EPG5: variants seen among roughly 807,000 people sequenced by gnomAD.
EPG5 encodes ectopic P-granules 5 autophagy tethering factor, also known as ectopic P granules protein 5 homolog.
EPG5 carries 159 observed loss-of-function variants against 302.7 expected under a neutral mutation model. The ratio of observed to expected loss-of-function variants is 0.53; its 90% confidence interval spans 0.46 to 0.60. The LOEUF is 0.60. EPG5 is among the 20% of genes least tolerant of loss of function. EPG5 has a pLI of 0.00. For synonymous variants in EPG5, 1,158 were observed against 1,136.8 expected, an observed-to-expected ratio of 1.02 and a Z score of -0.37; for missense variants, 2,896 against 3,092.4, an observed-to-expected ratio of 0.94 and a Z score of 1.51.
the EPG5 span, chr18:45,837,892 G>A: frequency 1.3e-6 from 2 of 1,512,204 alleles, no homozygotes; most frequent in Non-Finnish European, 1.8e-6. Flanking sequence ...GGCTGCACGT[G>A]ACAGGCGAGG....
At chr18:45,877,831 A>G (rs1319867308) in intron 34 of EPG5, among the ~76,000 whole-genome samples, 1 of 152,182 alleles carries the variant, frequency 6.6e-6, no homozygotes, top group African/African-American at 2.4e-5. Context: ...AATTTTTATA[A>G]AACCCTGACA....
intron 3 of EPG5, among the ~76,000 whole-genome samples, chr18:45,951,841 G>A (rs553568344): frequency 6.6e-6 from 1 of 151,962 alleles, no homozygotes; most frequent in Non-Finnish European, 1.5e-5. Flanking sequence ...ATGGGGGAGG[G>A]GGAATTTTAC....
At chr18:45,870,066 T>A (rs765577020) in intron 36 of EPG5, among the ~76,000 whole-genome samples, 1 of 152,186 alleles carries the variant, frequency 6.6e-6, no homozygotes, top group South Asian at 2.1e-4. Flanking sequence ...TTTTTTTAAG[T>A]CATTTCAGGT....
chr18:45,913,140 T>C (rs2049948730), intron 21 of EPG5, among the ~76,000 whole-genome samples: 1 of 151,592 alleles, frequency 6.6e-6, no homozygotes, highest in Non-Finnish European at 1.5e-5. Flanking sequence ...TATGTGACTG[T>C]CAAACTTTAT....
Position 45,890,012 on chromosome 18 carries a change from A to T in EPG5, c.4810-72T>A, listed in dbSNP as rs2049306712. 2.3e-6 allele frequency: 3 copies of T among 1,322,682 alleles called. No individual in the cohort carries two copies. In the East Asian group the frequency reaches 7.3e-5, roughly 32 times the overall value. The allele number at this position is 1,322,682 out of a possible 1,614,324, so 81.9% of individuals were successfully genotyped here. A position where few individuals can be genotyped will look rare whatever the true frequency, so the allele number is the denominator to read the frequency against. On this transcript the variant is annotated intron_variant, in intron 27 of 43. Transcript: ENST00000282041. The stretch of plus-strand genomic sequence containing the variant: ...GGTTTCCCATGAAGACTCAAACTGA[A>T]ATAAAATTATTGTCTTATAAAAATA...
At chr18:45,915,232 C>T (rs1568150424) in intron 20 of EPG5, among the ~76,000 whole-genome samples, 1 of 151,090 alleles carries the variant, frequency 6.6e-6, no homozygotes, top group Admixed American at 6.6e-5. Context: ...GAGCTGAGAT[C>T]GCGCCATTGC....
In EPG5 at chr18:45,954,768, C is replaced by A. The variant is rs367865576; in HGVS notation, c.634G>T (p.Val212Leu). The change falls in exon 2 of 44, where the codon GTG becomes TTG. Residue 212 changes from valine to leucine, a missense_variant. Coordinates refer to ENST00000282041, the MANE Select transcript of EPG5 (RefSeq NM_020964.3). ...PAKHGFQTPR[V>L]KKLYPQLPAE... Reference sequence around the variant, plus strand: ...GGCAACTGGGGATACAGTTTCTTCACTCTAGGTGTCTGAAAACCATGTTTG... The same window carrying A: ...GGCAACTGGGGATACAGTTTCTTCAATCTAGGTGTCTGAAAACCATGTTTG... 6 of 1,613,880 alleles carry A rather than the reference C, an allele frequency of 3.7e-6. No individual in the cohort carries two copies. Among genetic ancestry groups the A allele is most frequent in the Non-Finnish European group, 4.2e-6 (5 of 1,179,922 alleles).
Position 45,943,853 on chromosome 18 carries a change from A to G in EPG5, c.1792+152T>C, listed in dbSNP as rs548162529. On this transcript the variant is annotated intron_variant, in intron 8 of 43. Coordinates refer to ENST00000282041, the MANE Select transcript of EPG5 (RefSeq NM_020964.3). ...GGAGAATGGCGTGAACCTGGGAGGC[A>G]GAGCTTGCAGTGAGCCGAGATCGCG... 1.9e-3 allele frequency: 1,050 copies of G among 544,554 alleles called. 7 individuals are homozygous for G. The highest frequency in any genetic ancestry group is 0.017 in the African/African-American group (909 of 52,560). 33.7% of individuals were successfully genotyped at this position (544,554 alleles called of 1,614,324 possible).
chr18:45,865,765 C>CAAAAA lies in EPG5; in HGVS notation c.6622-11_6622-7dup, dbSNP rs11333207. 3.4e-5 allele frequency: 48 copies of CAAAAA among 1,411,772 alleles called. No homozygotes were observed. The African/African-American group carries it at 6.9e-4, about 20-fold the overall frequency. 87.5% of individuals were successfully genotyped at this position (1,411,772 alleles called of 1,614,324 possible). A position where few individuals can be genotyped will look rare whatever the true frequency, so the allele number is the denominator to read the frequency against. Reference sequence around the variant, plus strand: ...TGGCATTTTGGAACTGCATCCTGACCAAAAAAAAAAAAAAAAATCATTCAA... The same window carrying CAAAAA: ...TGGCATTTTGGAACTGCATCCTGACCAAAAAAAAAAAAAAAAAAAAAATCATTCAA... On this transcript the variant is annotated splice_region_variant and splice_polypyrimidine_tract_variant and intron_variant, in intron 38 of 43. Coordinates refer to ENST00000282041, the MANE Select transcript of EPG5 (RefSeq NM_020964.3).
the EPG5 span, among the ~76,000 whole-genome samples, chr18:45,810,650 G>T: frequency 0.018 from 2,750 of 152,148 alleles, 31 homozygotes; most frequent in Middle Eastern, 0.041. Flanking sequence ...GCATTGTGGC[G>T]CACACCTGTA....
chr18:45,834,456 C>T, the EPG5 span, among the ~76,000 whole-genome samples: 1 of 152,164 alleles, frequency 6.6e-6, no homozygotes, highest in African/African-American at 2.4e-5. Context: ...GGAGGCCAGC[C>T]CTAGGCTTGG....
chr18:45,893,566 A>AAT (rs397949619), intron 27 of EPG5, among the ~76,000 whole-genome samples: 2 of 150,480 alleles, frequency 1.3e-5, no homozygotes, highest in African/African-American at 2.4e-5. Flanking sequence ...AAAAAAAAAA[A>AAT]GTTAAGTTGG....
chr18:45,897,143 G>A (rs560327268), intron 27 of EPG5, among the ~76,000 whole-genome samples: 126 of 152,294 alleles, frequency 8.3e-4, no homozygotes, highest in Non-Finnish European at 1.4e-3. Context: ...CAGCTCCCTG[G>A]CCTGCCTGGT....
intron 35 of EPG5, among the ~76,000 whole-genome samples, chr18:45,875,317 T>A (rs1448858724): frequency 6.6e-6 from 1 of 152,074 alleles, no homozygotes; most frequent in Non-Finnish European, 1.5e-5. Context: ...AACAGCAGCA[T>A]AAGACAACCC....
At chr18:45,866,341 G>A (rs1311613416) in intron 38 of EPG5, among the ~76,000 whole-genome samples, 4 of 151,972 alleles carry the variant, frequency 2.6e-5, no homozygotes, top group East Asian at 1.9e-4. Flanking sequence ...GGCTGGTCTC[G>A]AACTCCTGAC....
In EPG5 at chr18:45,854,935, T is replaced by C. The variant is rs142868176; in HGVS notation, c.7557+638A>G. Among the ~76,000 whole-genome samples, 696 of 152,300 alleles carry C rather than the reference T, an allele frequency of 4.6e-3. 8 individuals carry two copies. The highest frequency in any genetic ancestry group is 3.5e-3 in the Non-Finnish European group (236 of 68,038). Reference sequence around the variant, plus strand: ...AGTTAAAGCTTTAACTCACTAATATTGGTCGAGTTAAAACTTATAATAGTA... The same window carrying C: ...AGTTAAAGCTTTAACTCACTAATATCGGTCGAGTTAAAACTTATAATAGTA... On this transcript the variant is annotated intron_variant, in intron 43 of 43. Transcript: ENST00000282041.
intron 43 of EPG5, among the ~76,000 whole-genome samples, chr18:45,854,561 G>A (rs1395727260): frequency 6.6e-6 from 1 of 150,852 alleles, no homozygotes; most frequent in African/African-American, 2.4e-5. Context: ...CAAAAAACCA[G>A]GATAATAATA....
At position 45,955,486 on chromosome 18, in the gene EPG5, T is replaced by A. The variant is rs560800878; in HGVS notation, c.64-148A>T. On this transcript the variant is annotated intron_variant, in intron 1 of 43. Transcript: ENST00000282041. ...CTTTATCAGTGTTTTTGAACAGATA[T>A]GAACAAATATGAAACAGAAATGTGT... is the stretch of plus-strand genomic sequence containing the variant. 2.8e-4 allele frequency: 164 copies of A among 594,086 alleles called. 2 individuals are homozygous for A. The South Asian group carries it at 3.6e-3, about 13-fold the overall frequency. 36.8% of individuals were successfully genotyped at this position (594,086 alleles called of 1,614,324 possible).
rs770205476 is a variant in EPG5, at chr18:45,928,963, C to G, written c.2459G>C (p.Gly820Ala). 4.3e-6 allele frequency: 7 copies of G among 1,613,850 alleles called. No individual in the cohort carries two copies. Among genetic ancestry groups the G allele is most frequent in the Admixed American group, 3.3e-5 (2 of 59,978 alleles). Residue 820 changes from glycine to alanine, a missense_variant, in exon 13 of 44, where the codon GGT becomes GCT. Coordinates refer to ENST00000282041, the MANE Select transcript of EPG5 (RefSeq NM_020964.3). ...LSTRETFSKV[G>A]RELLGTITAV... ...TGTGATAGTCCCTAAAAGCTCTCGA[C>G]CAACCTTTGAAAAAGTCTCTCTGGT...
Sources: allele counts gnomAD v4.1 joint callset (sites outside exome capture counted in the v4.1 genomes callset), GRCh38; gene constraint gnomAD v4.1.1; transcripts MANE v1.5; gene names NCBI Gene and HGNC (gene_info 2026-07-23, HGNC 2026-07-21).